Variants in SEMA3A observed in about 807,000 individuals in gnomAD.
SEMA3A encodes semaphorin 3A, also known as semaphorin-3A.
Under a neutral mutation model 97.9 loss-of-function variants are expected in SEMA3A, and 29 were observed. The observed-to-expected ratio is 0.30, with a 90% confidence interval of 0.22 to 0.40. The LOEUF (loss-of-function observed/expected upper bound fraction) is 0.40. Among genes scored for constraint, SEMA3A ranks in the 10% least tolerant of loss-of-function variants. The pLI is 1.00. For synonymous variants in SEMA3A, 321 were observed against 323.7 expected (o/e 0.99, Z 0.09); for missense variants, 763 against 951.3 (o/e 0.80, Z 2.60).
intron 4 of SEMA3A, among the ~76,000 whole-genome samples, chr7:84,108,372 G>A (rs934807079): frequency 6.6e-6 from 1 of 151,874 alleles, no homozygotes; most frequent in Non-Finnish European, 1.5e-5. Flanking sequence ...AAAAGGCAAT[G>A]GGTCATACTG....
rs35519031 is a variant in SEMA3A at position 84,203,526 on chromosome 7, A to ATTTT, written c.-82-8862_-82-8859dup. On this transcript the variant is annotated intron_variant, in intron 3 of 3. Coordinates refer to the SEMA3A transcript ENST00000424555. ...TGTATATATATATATATATATATAT[A>ATTTT]TTTTTTTTTTTTTTTTTTTTCTGAG... 9.0e-3 allele frequency among the ~76,000 whole-genome samples: 232 copies of ATTTT among 25,668 alleles called. 17 individuals are homozygous for ATTTT. Among genetic ancestry groups the ATTTT allele is most frequent in the African/African-American group, 0.025 (193 of 7,570 alleles). The allele number at this position is 25,668 out of a possible 152,430, so 16.8% of individuals were successfully genotyped here.
At chr7:84,189,835 T>A (rs1223125405) in intron 1 of SEMA3A, among the ~76,000 whole-genome samples, 1 of 151,570 alleles carries the variant, frequency 6.6e-6, no homozygotes, top group Non-Finnish European at 1.5e-5. Context: ...GACCCCAAAT[T>A]ATAATACATG....
intron 2 of SEMA3A, among the ~76,000 whole-genome samples, chr7:84,354,614 C>T (rs113848722): frequency 0.022 from 3,370 of 151,572 alleles, 127 homozygotes; most frequent in African/African-American, 0.077. Context: ...CTGCCAAACA[C>T]GGATAGAGAA....
chr7:84,099,069 TTTTTTC>T lies in SEMA3A; in HGVS notation c.453+11395_453+11400del, dbSNP rs1337799192. 5.7e-4 allele frequency among the ~76,000 whole-genome samples: 28 copies of T among 49,330 alleles called. 4 individuals carry two copies. Among genetic ancestry groups the T allele is most frequent in the African/African-American group, 1.1e-3 (26 of 23,692 alleles). 32.4% of individuals were successfully genotyped at this position (49,330 alleles called of 152,430 possible). On this transcript the variant is annotated intron_variant, in intron 4 of 16. Transcript: ENST00000265362. ...ATTAATCAGGAATTACATTTTCTTT[TTTTTTC>T]TTTTTTTTTTTTTGAGACGGAGTCT...
intron 6 of SEMA3A, among the ~76,000 whole-genome samples, chr7:84,045,827 G>A (rs1792325987): frequency 6.6e-6 from 1 of 151,688 alleles, no homozygotes; most frequent in Non-Finnish European, 1.5e-5. Context: ...GATTAAATGT[G>A]AATCAAATGA....
intron 1 of SEMA3A, among the ~76,000 whole-genome samples, chr7:84,154,388 G>A (rs1796768808): frequency 6.6e-6 from 1 of 152,034 alleles, no homozygotes; most frequent in South Asian, 2.1e-4. Flanking sequence ...CATAAAGACA[G>A]GTGATGACGC....
chr7:84,451,953 G>C (rs1217983960), intron 1 of SEMA3A, among the ~76,000 whole-genome samples: 1 of 152,128 alleles, frequency 6.6e-6, no homozygotes, highest in African/African-American at 2.4e-5. Flanking sequence ...AATTACATGG[G>C]TTAAATTTGC....
At chr7:84,188,199 A>T (rs1460832350) in intron 1 of SEMA3A, among the ~76,000 whole-genome samples, 1 of 151,236 alleles carries the variant, frequency 6.6e-6, no homozygotes, top group African/African-American at 2.4e-5. Flanking sequence ...GCTTGTAAAA[A>T]CTCCCAAGAC....
Position 83,986,607 on chromosome 7 carries a change from G to T in SEMA3A, c.1453-1130C>A, listed in dbSNP as rs532259453. Among the ~76,000 whole-genome samples the T allele has an allele frequency of 3.9e-5, 6 of 152,264 alleles. No individual in the cohort carries two copies. In the South Asian group the frequency reaches 1.0e-3, roughly 26 times the overall value. Reference sequence around the variant, plus strand: ...TCATTCAAGACAAACATTACGAGAAGACAGAGACTGCTTGTGGGTTTCTGA... The same window carrying T: ...TCATTCAAGACAAACATTACGAGAATACAGAGACTGCTTGTGGGTTTCTGA... On this transcript the variant is annotated intron_variant, in intron 12 of 16. Coordinates refer to ENST00000265362, the MANE Select transcript of SEMA3A (RefSeq NM_006080.3).
In SEMA3A at chr7:84,048,913, T is replaced by C. The variant is rs1016653923; in HGVS notation, c.548-2470A>G. Among the ~76,000 whole-genome samples the C allele has an allele frequency of 2.0e-5, 3 of 152,170 alleles. No homozygotes were observed. The South Asian group carries it at 6.2e-4, about 32-fold the overall frequency. On this transcript the variant is annotated intron_variant, in intron 5 of 16. Coordinates refer to ENST00000265362, the MANE Select transcript of SEMA3A (RefSeq NM_006080.3). The stretch of plus-strand genomic sequence containing the variant: ...AAATCAACAACTAAAAACTATTACT[T>C]GGATAGAAAAGGTGTTTGTCTCTCT...
chr7:84,406,468 G>A (rs894361694), intron 1 of SEMA3A, among the ~76,000 whole-genome samples: 1 of 152,146 alleles, frequency 6.6e-6, no homozygotes, highest in Non-Finnish European at 1.5e-5. Context: ...TCTACCAGAG[G>A]TACAAAGAGG....
chr7:84,252,787 A>T (rs942823760), intron 3 of SEMA3A, among the ~76,000 whole-genome samples: 3 of 152,214 alleles, frequency 2.0e-5, no homozygotes, highest in African/African-American at 7.2e-5. Context: ...TAAAATGCGA[A>T]GTGTAATTTT....
chr7:84,403,267 A>T (rs556445657), intron 1 of SEMA3A, among the ~76,000 whole-genome samples: 148 of 152,298 alleles, frequency 9.7e-4, no homozygotes, highest in Middle Eastern at 3.4e-3. Context: ...CATGGCTCAG[A>T]GGGTCCTACA....
chr7:83,985,409 T>G (rs1287082574), intron 13 of SEMA3A, 27 bp downstream of exon 13: 3 of 1,534,388 alleles, frequency 2.0e-6, no homozygotes, highest in Non-Finnish European at 2.7e-6. Flanking sequence ...ATATTGGATA[T>G]TCAATGGTAA....
At chr7:84,299,087 C>T (rs1800934091) in intron 3 of SEMA3A, among the ~76,000 whole-genome samples, 1 of 151,974 alleles carries the variant, frequency 6.6e-6, no homozygotes, top group South Asian at 2.1e-4. Context: ...AGCTTCCCTA[C>T]TTTTGAGGTT....
chr7:84,447,250 C>G (rs1364298097), intron 1 of SEMA3A, among the ~76,000 whole-genome samples: 1 of 152,166 alleles, frequency 6.6e-6, no homozygotes, highest in Non-Finnish European at 1.5e-5. Flanking sequence ...CATGGGCCTG[C>G]AGGCACCCTT....
intron 9 of SEMA3A, among the ~76,000 whole-genome samples, chr7:84,009,075 G>A (rs1218509517): frequency 6.6e-6 from 1 of 152,150 alleles, no homozygotes; most frequent in Non-Finnish European, 1.5e-5. Flanking sequence ...CTCAAAAGGT[G>A]GTCCCTAGAC....
At chr7:84,405,823 A>C (rs1213232624) in intron 1 of SEMA3A, among the ~76,000 whole-genome samples, 1 of 152,230 alleles carries the variant, frequency 6.6e-6, no homozygotes, top group Non-Finnish European at 1.5e-5. Flanking sequence ...AAATGAAGGC[A>C]GAAATAAAGA....
At chr7:84,334,706 C>T (rs928845318) in intron 2 of SEMA3A, among the ~76,000 whole-genome samples, 2 of 151,196 alleles carry the variant, frequency 1.3e-5, no homozygotes, top group African/African-American at 2.4e-5. Context: ...TACTACCTCC[C>T]TTTCCACTTG....
Sources: gnomAD v4.1 joint callset for allele counts (sites outside exome capture counted in the v4.1 genomes callset) on GRCh38, gnomAD v4.1.1 for gene constraint, MANE v1.5 for transcripts, NCBI Gene and HGNC (gene_info 2026-07-23, HGNC 2026-07-21) for gene names.